Variants in EML6 observed in about 807,000 individuals in gnomAD.
EML6 encodes EMAP like 6.
EML6 carries 154 observed loss-of-function variants against 240.1 expected under a neutral mutation model. The observed-to-expected ratio is 0.64, with a 90% confidence interval of 0.56 to 0.73. The LOEUF is 0.73. EML6 is among the 30% of genes least tolerant of loss of function. The pLI, the probability that EML6 is intolerant of heterozygous loss-of-function variation, is 0.00. For missense variants in EML6, 2,964 were observed against 2,474.6 expected (o/e 1.20, Z -4.20); for synonymous variants, 1,148 against 899.0 (o/e 1.28, Z -4.95).
chr2:54,848,590 C>T (rs1248256646), intron 9 of EML6, among the ~76,000 whole-genome samples: 4 of 149,732 alleles, frequency 2.7e-5, no homozygotes, highest in African/African-American at 4.9e-5. Flanking sequence ...TTCTAGTACA[C>T]CATAATGCTA....
chr2:54,872,486 G>T (rs1341373197), intron 16 of EML6, among the ~76,000 whole-genome samples: 1 of 152,030 alleles, frequency 6.6e-6, no homozygotes, highest in African/African-American at 2.4e-5. Flanking sequence ...TGCTATGGTA[G>T]TCATGCTGGT....
At chr2:54,890,533 C>T (rs558634552) in intron 17 of EML6, among the ~76,000 whole-genome samples, 1 of 152,252 alleles carries the variant, frequency 6.6e-6, no homozygotes, top group South Asian at 2.1e-4. Context: ...AGAAGACATC[C>T]TTTCTCTTTC....
Position 54,773,659 on chromosome 2 carries a change from T to C in EML6, c.198-39573T>C, listed in dbSNP as rs372450908. 6.6e-5 allele frequency among the ~76,000 whole-genome samples: 10 copies of C among 152,386 alleles called. No homozygotes were observed. The East Asian group carries it at 1.5e-3, about 23-fold the overall frequency. ...CATTGTCTAAGCTCTCAGATGTCCA[T>C]GGAAGGAGCCACATTTCTGTCTCTC... On this transcript the variant is annotated intron_variant, in intron 2 of 41. Coordinates refer to ENST00000356458, the MANE Select transcript of EML6 (RefSeq NM_001039753.4).
intron 26 of EML6, among the ~76,000 whole-genome samples, chr2:54,920,515 C>G (rs1363373704): frequency 6.6e-6 from 1 of 152,116 alleles, no homozygotes; most frequent in Non-Finnish European, 1.5e-5. Context: ...AATCTGTAAT[C>G]AAGAACCTCC....
chr2:54,771,589 C>T (rs1033588657), intron 2 of EML6, among the ~76,000 whole-genome samples: 1 of 152,354 alleles, frequency 6.6e-6, no homozygotes, highest in Non-Finnish European at 1.5e-5. Flanking sequence ...ATTTTCAGAA[C>T]GTCTGCTACA....
chr2:54,954,046 G>T lies in EML6; in HGVS notation c.4376G>T (p.Cys1459Phe). Residue 1459 changes from cysteine to phenylalanine, a missense_variant, in exon 32 of 42, where the codon TGC (cysteine) becomes TTC (phenylalanine). Cys to Phe is a radical substitution (Grantham distance 205). Transcript: ENST00000356458. ...AAACACACCCTCTCCATGCTGCGGT[G>T]CTTCCACTCCAAGGGGGTGAATTAC... ...MTKHTLSMLR[C>F]FHSKGVNYIN... The T allele has an allele frequency of 6.4e-7, 1 of 1,551,922 alleles. No homozygotes were observed. Among genetic ancestry groups the T allele is most frequent in the Non-Finnish European group, 8.7e-7 (1 of 1,146,998 alleles).
chr2:54,807,076 G>T (rs1340498847), intron 2 of EML6, among the ~76,000 whole-genome samples: 1 of 151,906 alleles, frequency 6.6e-6, no homozygotes, highest in Admixed American at 6.6e-5. Flanking sequence ...ATTCCACATG[G>T]CCAATCAATT....
intron 28 of EML6, among the ~76,000 whole-genome samples, chr2:54,947,903 A>G (rs1297283029): frequency 6.6e-6 from 1 of 152,140 alleles, no homozygotes; most frequent in Non-Finnish European, 1.5e-5. Context: ...CCACACAGGA[A>G]TGTCTGTTCA....
intron 2 of EML6, among the ~76,000 whole-genome samples, chr2:54,803,944 C>T (rs979407504): frequency 6.6e-6 from 1 of 152,184 alleles, no homozygotes. Context: ...GATGAAATCA[C>T]ATTGAATTCA....
Position 54,909,432 on chromosome 2 carries a change from A to G in EML6, c.3410-1522A>G, listed in dbSNP as rs563098847. Among the ~76,000 whole-genome samples the G allele has an allele frequency of 1.4e-4, 22 of 152,344 alleles. No individual in the cohort carries two copies. The East Asian group carries it at 4.2e-3, about 29-fold the overall frequency. ...TCAGATATATTTGCTCAAGTCAAGG[A>G]AAAATCCCCTAATCACTGTGTTATA... On this transcript the variant is annotated intron_variant, in intron 24 of 41. Transcript: ENST00000356458.
At chr2:54,872,005 G>A (rs1671283493) in intron 16 of EML6, among the ~76,000 whole-genome samples, 1 of 152,204 alleles carries the variant, frequency 6.6e-6, no homozygotes, top group African/African-American at 2.4e-5. Context: ...ATAAGTGGGA[G>A]CACATCACTT....
chr2:54,824,900 A>C (rs1315036328), intron 5 of EML6, among the ~76,000 whole-genome samples: 1 of 152,180 alleles, frequency 6.6e-6, no homozygotes, highest in African/African-American at 2.4e-5. Flanking sequence ...ATGTGTTGCT[A>C]CCCTAAACTG....
At chr2:54,958,724 C>T (rs1676352324) in intron 33 of EML6, among the ~76,000 whole-genome samples, 1 of 152,176 alleles carries the variant, frequency 6.6e-6, no homozygotes, top group South Asian at 2.1e-4. Flanking sequence ...GCTCCAACTT[C>T]GTGGTCCTCC....
chr2:54,809,202 C>G lies in EML6; in HGVS notation c.198-4030C>G, dbSNP rs143096739. Among the ~76,000 whole-genome samples the G allele has an allele frequency of 2.0e-5, 3 of 152,292 alleles. No individual in the cohort carries two copies. In the East Asian group the frequency reaches 5.8e-4, roughly 29 times the overall value. ...AAAATAACTTGCAAAAGTTGCAAGT[C>G]TTCTTAGAAAAGCAAAGAATTAAAT... On this transcript the variant is annotated intron_variant, in intron 2 of 41. Coordinates refer to ENST00000356458, the MANE Select transcript of EML6 (RefSeq NM_001039753.4).
At chr2:54,864,549 C>T (rs1670863053) in intron 13 of EML6, among the ~76,000 whole-genome samples, 1 of 152,274 alleles carries the variant, frequency 6.6e-6, no homozygotes. Flanking sequence ...CATGGGGGTT[C>T]TCTTTTTCTT....
chr2:54,911,176 C>G, intron 25 of EML6, 134 bp downstream of exon 25: 1 of 520,830 alleles, frequency 1.9e-6, no homozygotes, highest in South Asian at 3.7e-5. Flanking sequence ...TGTCTTCAAT[C>G]TGATTGCTTA....
Position 54,902,118 on chromosome 2 carries a change from G to T in EML6, c.3125-926G>T, listed in dbSNP as rs193185119. 9.2e-5 allele frequency among the ~76,000 whole-genome samples: 14 copies of T among 152,242 alleles called. No homozygotes were observed. In the East Asian group the frequency reaches 2.1e-3, roughly 23 times the overall value. On this transcript the variant is annotated intron_variant, in intron 22 of 41. Transcript: ENST00000356458. Reference sequence around the variant, plus strand: ...GATCAGAGAATTGGAGCAACTAAAAGAATGAGGTCCTCTAAAGCAAGTTGT... The same window carrying T: ...GATCAGAGAATTGGAGCAACTAAAATAATGAGGTCCTCTAAAGCAAGTTGT...
At position 54,892,674 on chromosome 2, in the gene EML6, G is replaced by C; in HGVS notation, c.2742+18G>C. The C allele has an allele frequency of 6.5e-7, 1 of 1,536,322 alleles. No individual in the cohort carries two copies. Among genetic ancestry groups the C allele is most frequent in the East Asian group, 2.5e-5 (1 of 40,768 alleles). Reference sequence around the variant, plus strand: ...TGGATAAGGTATGGCCTGTGTATCAGCATTCATTTTCCTCATCAGCCTTCT... The same window carrying C: ...TGGATAAGGTATGGCCTGTGTATCACCATTCATTTTCCTCATCAGCCTTCT... On this transcript the variant is annotated intron_variant, in intron 19 of 41. Coordinates refer to ENST00000356458, the MANE Select transcript of EML6 (RefSeq NM_001039753.4).
Position 54,740,145 on chromosome 2 carries a change from T to C in EML6, c.197+14887T>C, listed in dbSNP as rs775674373. ...AGACATCCAAGAGGTGGTTATACAT[T>C]TATATGGGCCCTTGCTCAGGAGAGA... On this transcript the variant is annotated intron_variant, in intron 2 of 41. Transcript: ENST00000356458. Among the ~76,000 whole-genome samples, 165 of 152,138 alleles carry C rather than the reference T, an allele frequency of 1.1e-3. No homozygotes were observed. In the Middle Eastern group the frequency reaches 0.014, roughly 13 times the overall value.
Sources: allele counts gnomAD v4.1 joint callset (sites outside exome capture counted in the v4.1 genomes callset), GRCh38; gene constraint gnomAD v4.1.1; transcripts MANE v1.5; gene names NCBI Gene and HGNC (gene_info 2026-07-23, HGNC 2026-07-21).